The following PTPRD variants were observed in gnomAD, a reference collection of about 807,000 sequenced individuals.
PTPRD encodes receptor-type tyrosine-protein phosphatase delta.
In PTPRD, 34 loss-of-function variants were observed where a neutral mutation model predicts 214.5. The ratio of observed to expected loss-of-function variants is 0.16; its 90% CI spans 0.12 to 0.21. PTPRD has a LOEUF of 0.21. Among genes scored for constraint, PTPRD ranks in the 10% least tolerant of loss-of-function variants. The probability of loss-of-function intolerance (pLI) is 1.00; values close to 1 mark genes in which losing one functional copy is unlikely to be tolerated. For synonymous variants in PTPRD, 1,128 were observed against 845.7 expected (o/e 1.33, Z -5.79); for missense variants, 2,545 against 2,398.7 (o/e 1.06, Z -1.27).
At chr9:9,732,766 A>C (rs932963140) in intron 7 of PTPRD, among the ~76,000 whole-genome samples, 1 of 152,052 alleles carries the variant, frequency 6.6e-6, no homozygotes, top group Non-Finnish European at 1.5e-5. Context: ...AATATTGACT[A>C]ATACTTTGAT....
intron 11 of PTPRD, among the ~76,000 whole-genome samples, chr9:8,951,122 T>C (rs1042163229): frequency 2.0e-5 from 2 of 100,468 alleles, no homozygotes; most frequent in African/African-American, 6.7e-5. Context: ...TGTTAAGGCA[T>C]TTGTTTAGGA....
chr9:8,619,583 C>A (rs1260921617), intron 14 of PTPRD, among the ~76,000 whole-genome samples: 1 of 151,998 alleles, frequency 6.6e-6, no homozygotes. Flanking sequence ...TTCTTTAATG[C>A]CTTTTTAATG....
intron 12 of PTPRD, among the ~76,000 whole-genome samples, chr9:8,683,934 G>A (rs1264067673): frequency 1.3e-5 from 2 of 152,166 alleles, no homozygotes; most frequent in Non-Finnish European, 2.9e-5. Flanking sequence ...CAGACAGAAA[G>A]GGAGGTGTCT....
chr9:8,747,754 A>T (rs538277046), intron 11 of PTPRD, among the ~76,000 whole-genome samples: 2 of 152,270 alleles, frequency 1.3e-5, no homozygotes, highest in South Asian at 4.2e-4. Context: ...AAAACCCTTC[A>T]CCAAACCTTT....
intron 5 of PTPRD, among the ~76,000 whole-genome samples, chr9:9,878,262 G>A (rs1325189817): frequency 6.6e-6 from 1 of 152,140 alleles, no homozygotes; most frequent in Non-Finnish European, 1.5e-5. Context: ...TATATGTCAT[G>A]TACTAGTTAT....
At chr9:9,820,881 T>C (rs2050468248) in intron 5 of PTPRD, among the ~76,000 whole-genome samples, 1 of 152,172 alleles carries the variant, frequency 6.6e-6, no homozygotes, top group Non-Finnish European at 1.5e-5. Flanking sequence ...TTTTGGCTAC[T>C]ATGGACTTGC....
chr9:9,513,622 T>G (rs2096764068), intron 8 of PTPRD, among the ~76,000 whole-genome samples: 1 of 151,920 alleles, frequency 6.6e-6, no homozygotes, highest in African/African-American at 2.4e-5. Flanking sequence ...CAGTCTCATT[T>G]GTGCAATATT....
chr9:9,537,790 C>T (rs2076816911), intron 8 of PTPRD, among the ~76,000 whole-genome samples: 1 of 151,784 alleles, frequency 6.6e-6, no homozygotes, highest in Admixed American at 6.6e-5. Context: ...TCACAGATAC[C>T]ACCCATTATA....
intron 11 of PTPRD, among the ~76,000 whole-genome samples, chr9:8,998,337 A>G (rs912229855): frequency 3.3e-5 from 5 of 152,048 alleles, no homozygotes; most frequent in African/African-American, 1.2e-4. Flanking sequence ...ATACTCATTT[A>G]CCATTCCAAA....
At chr9:9,651,881 C>T (rs2096367556) in intron 7 of PTPRD, among the ~76,000 whole-genome samples, 1 of 126,156 alleles carries the variant, frequency 7.9e-6, no homozygotes, top group African/African-American at 3.1e-5. Context: ...GTCACCCAGG[C>T]TGGAGTGCAG....
At chr9:9,086,295 G>T (rs896956212) in intron 10 of PTPRD, among the ~76,000 whole-genome samples, 2 of 152,252 alleles carry the variant, frequency 1.3e-5, no homozygotes, top group Middle Eastern at 3.4e-3. Flanking sequence ...AGTAGTTTTA[G>T]TTTTGATATG....
At chr9:10,098,018 A>T (rs144004638) in intron 3 of PTPRD, among the ~76,000 whole-genome samples, 260 of 151,968 alleles carry the variant, frequency 1.7e-3, no homozygotes, top group African/African-American at 6.0e-3. Context: ...ATTATAAATC[A>T]TGCTGCTATA....
intron 5 of PTPRD, among the ~76,000 whole-genome samples, chr9:9,915,115 C>G (rs1779959459): frequency 6.6e-6 from 1 of 152,126 alleles, no homozygotes; most frequent in Admixed American, 6.5e-5. Flanking sequence ...CTTGCAAATG[C>G]CTTTAGCATG....
At chr9:10,002,502 A>C (rs1176150298) in intron 4 of PTPRD, among the ~76,000 whole-genome samples, 1 of 151,160 alleles carries the variant, frequency 6.6e-6, no homozygotes, top group Non-Finnish European at 1.5e-5. Context: ...GATACATGTC[A>C]TGAAAACTGT....
intron 14 of PTPRD, among the ~76,000 whole-genome samples, chr9:8,543,591 T>C (rs971871195): frequency 1.3e-5 from 2 of 152,254 alleles, no homozygotes; most frequent in Non-Finnish European, 2.9e-5. Context: ...TTGTATATTA[T>C]ACACGACAGG....
At chr9:9,050,149 T>A (rs2099682026) in intron 10 of PTPRD, among the ~76,000 whole-genome samples, 1 of 152,246 alleles carries the variant, frequency 6.6e-6, no homozygotes, top group Non-Finnish European at 1.5e-5. Flanking sequence ...TATAAAAATA[T>A]TGTCCTGCCA....
intron 2 of PTPRD, among the ~76,000 whole-genome samples, chr9:10,368,270 G>A (rs527946202): frequency 6.6e-6 from 1 of 152,008 alleles, no homozygotes. Flanking sequence ...GAGAGTAAAT[G>A]TAATACAAAA....
chr9:10,499,349 A>G (rs950170283), intron 2 of PTPRD, among the ~76,000 whole-genome samples: 9 of 152,026 alleles, frequency 5.9e-5, no homozygotes, highest in African/African-American at 2.2e-4. Context: ...AGTCCTTACT[A>G]AACTCGATAG....
intron 39 of PTPRD, among the ~76,000 whole-genome samples, chr9:8,364,699 A>G (rs949980390): frequency 6.6e-6 from 1 of 152,234 alleles, no homozygotes; most frequent in Admixed American, 6.5e-5. Context: ...AAGTTTATCT[A>G]TCTCTGACAT....
Sources: allele counts gnomAD v4.1 joint callset (sites outside exome capture counted in the v4.1 genomes callset), GRCh38; gene constraint gnomAD v4.1.1; transcripts MANE v1.5; gene names NCBI Gene and HGNC (gene_info 2026-07-23, HGNC 2026-07-21).